The following FBXL2 variants were observed in gnomAD, a reference collection of about 807,000 sequenced individuals.
The protein encoded by FBXL2 is F-box/LRR-repeat protein 2.
FBXL2 carries 38 observed loss-of-function variants against 69.2 expected under a neutral mutation model. That is an observed-to-expected ratio of 0.55 (90% CI 0.42 to 0.72). FBXL2 has a LOEUF of 0.72. FBXL2 is among the 30% of genes least tolerant of loss of function. The probability of loss-of-function intolerance (pLI) is 0.00; values close to 1 mark genes in which losing one functional copy is unlikely to be tolerated. For missense variants in FBXL2, 354 were observed against 520.3 expected (o/e 0.68, Z 3.11); for synonymous variants, 192 against 201.3 (o/e 0.95, Z 0.39).
intron 12 of FBXL2, chr3:33,393,312 C>A: frequency 1.2e-6 from 2 of 1,600,752 alleles, no homozygotes; most frequent in South Asian, 1.1e-5. Context: ...TTTGATTTAC[C>A]TGATCACTAA....
chr3:33,335,119 TAAG>T (rs967768016), intron 2 of FBXL2, among the ~76,000 whole-genome samples: 9 of 149,106 alleles, frequency 6.0e-5, no homozygotes, highest in South Asian at 2.2e-4. Flanking sequence ...ATAATAATAA[TAAG>T]AAGAAGAATA....
chr3:33,414,795 C>A, the FBXL2 span, among the ~76,000 whole-genome samples: 28 of 152,132 alleles, frequency 1.8e-4, no homozygotes, highest in African/African-American at 6.7e-4. Flanking sequence ...GAAGATGAAG[C>A]CAATGTAAAA....
intron 2 of FBXL2, among the ~76,000 whole-genome samples, chr3:33,324,000 T>G (rs945972793): frequency 6.6e-6 from 1 of 152,246 alleles, no homozygotes; most frequent in African/African-American, 2.4e-5. Flanking sequence ...ATCGCCATTC[T>G]AACTGGCGTG....
chr3:33,421,407 G>A, the FBXL2 span, among the ~76,000 whole-genome samples: 1 of 152,264 alleles, frequency 6.6e-6, no homozygotes, highest in East Asian at 1.9e-4. Flanking sequence ...CGAGTAGCTG[G>A]GACTACAGGC....
At chr3:33,277,561 A>G in intron 1 of FBXL2, 46 bp downstream of exon 1, 1 of 1,261,912 alleles carries the variant, frequency 7.9e-7, no homozygotes, top group Non-Finnish European at 1.0e-6. Context: ...CCCTACCCCT[A>G]CCGGGCTGGG....
downstream of FBXL2, among the ~76,000 whole-genome samples, chr3:33,406,502 T>C (rs897443020): frequency 6.6e-6 from 1 of 152,214 alleles, no homozygotes; most frequent in Non-Finnish European, 1.5e-5. Context: ...ATATTAAAAG[T>C]ATCAAGTCTC....
chr3:33,373,339 T>C lies in FBXL2; in HGVS notation c.439T>C (p.Ser147Pro). The C allele has an allele frequency of 6.2e-7, 1 of 1,611,986 alleles. No individual in the cohort carries two copies. Among genetic ancestry groups the C allele is most frequent in the Non-Finnish European group, 8.5e-7 (1 of 1,178,050 alleles). ...LTSCVSITNS[S>P]LKGISEGCRN... ...CTCCTGTGTGTCTATTACAAACAGC[T>C]CCTTGAAGGGGATCAGGTAAGAGTG... Residue 147 changes from serine (S) to proline (P), a missense_variant, in exon 7 of 15, where the codon TCC becomes CCC. Physicochemically the swap from Ser to Pro is moderately conservative, Grantham distance 74. Transcript: ENST00000484457.
downstream of FBXL2, chr3:33,390,262 G>C: frequency 6.9e-7 from 1 of 1,455,536 alleles, no homozygotes; most frequent in Non-Finnish European, 9.5e-7. Flanking sequence ...AAGACTTCTT[G>C]GATTCAGTCT....
intron 1 of FBXL2, among the ~76,000 whole-genome samples, chr3:33,282,114 C>T (rs2034078915): frequency 6.6e-6 from 1 of 152,136 alleles, no homozygotes; most frequent in South Asian, 2.1e-4. Context: ...GTCACGAAGT[C>T]CTTGCCCATG....
Position 33,387,708 on chromosome 3 carries a change from G to A in FBXL2, c.*2100G>A, listed in dbSNP as rs1203488618. On this transcript the variant is annotated 3_prime_UTR_variant, in exon 15 of 15. Coordinates refer to ENST00000484457, the MANE Select transcript of FBXL2 (RefSeq NM_012157.5). ...AGGATACAACCTATCATCAGTCACA[G>A]CTATTGGACTTGATGCTCAATGATC... 1 of 152,178 alleles carries A rather than the reference G, an allele frequency of 6.6e-6. No homozygotes were observed. The highest frequency in any genetic ancestry group is 1.5e-5 in the Non-Finnish European group (1 of 68,048). 9.4% of individuals were successfully genotyped at this position (152,178 alleles called of 1,614,324 possible). A position where few individuals can be genotyped will look rare whatever the true frequency, so the allele number is the denominator to read the frequency against.
chr3:33,311,769 C>T lies in FBXL2; in HGVS notation c.65+14044C>T, dbSNP rs541267337. 1.3e-4 allele frequency among the ~76,000 whole-genome samples: 20 copies of T among 151,954 alleles called. 1 individual carries two copies. The highest frequency in any genetic ancestry group is 4.1e-4 in the African/African-American group (17 of 41,428). Reference sequence around the variant, plus strand: ...CCTCCTGAGTAGCTGGGACTACAGGCGCATGCCACCATGCCCGGCTAATTT... The same window carrying T: ...CCTCCTGAGTAGCTGGGACTACAGGTGCATGCCACCATGCCCGGCTAATTT... On this transcript the variant is annotated intron_variant, in intron 2 of 14. Transcript: ENST00000484457.
At chr3:33,340,030 A>G (rs566398390) in intron 2 of FBXL2, among the ~76,000 whole-genome samples, 3 of 152,342 alleles carry the variant, frequency 2.0e-5, no homozygotes. Context: ...CAAAGACTGC[A>G]TAGTGTTTGA....
intron 2 of FBXL2, chr3:33,303,103 C>T (rs1188036975): frequency 2.2e-6 from 1 of 456,604 alleles, no homozygotes; most frequent in Admixed American, 2.3e-5. Flanking sequence ...AGGACTGCTG[C>T]CTCTATTTCC....
In FBXL2 at chr3:33,289,612, G is replaced by C. The variant is rs13316527; in HGVS notation, c.4-8052G>C. ...GAAGAATTTGCAATAGATAGTTAAA[G>C]AGAAGTCAACAGTTACTGACTGCAC... is the stretch of plus-strand genomic sequence containing the variant. On this transcript the variant is annotated intron_variant, in intron 1 of 14. Coordinates refer to ENST00000484457, the MANE Select transcript of FBXL2 (RefSeq NM_012157.5). The C allele has an allele frequency of 7.8e-3, 1,610 of 205,408 alleles. 21 individuals carry two copies. Among genetic ancestry groups the C allele is most frequent in the African/African-American group, 0.036 (1,513 of 42,458 alleles). The allele number at this position is 205,408 out of a possible 1,614,324, so 12.7% of individuals were successfully genotyped here.
intron 2 of FBXL2, among the ~76,000 whole-genome samples, chr3:33,325,349 AGG>A (rs1448206126): frequency 1.3e-5 from 2 of 152,186 alleles, no homozygotes; most frequent in Non-Finnish European, 2.9e-5. Context: ...GTGGTGAGAA[AGG>A]GCATCCTTGT....
intron 2 of FBXL2, among the ~76,000 whole-genome samples, chr3:33,298,292 G>GT (rs1463387803): frequency 6.6e-6 from 1 of 152,116 alleles, no homozygotes; most frequent in Non-Finnish European, 1.5e-5. Flanking sequence ...TTTGGTTGTT[G>GT]TTTTTACTAA....
At chr3:33,357,986 C>G (rs1377237676) in intron 2 of FBXL2, among the ~76,000 whole-genome samples, 2 of 152,152 alleles carry the variant, frequency 1.3e-5, no homozygotes, top group Non-Finnish European at 2.9e-5. Context: ...GGGTACAACA[C>G]TTTCATGTTT....
At chr3:33,367,043 G>A (rs954728331) in intron 5 of FBXL2, among the ~76,000 whole-genome samples, 8 of 151,964 alleles carry the variant, frequency 5.3e-5, no homozygotes, top group South Asian at 4.2e-4. Flanking sequence ...TATTGAAGCC[G>A]TCTGCTCCTA....
chr3:33,288,678 G>T (rs2034907631), intron 1 of FBXL2, among the ~76,000 whole-genome samples: 1 of 152,206 alleles, frequency 6.6e-6, no homozygotes, highest in Admixed American at 6.5e-5. Flanking sequence ...AACCAGTGGG[G>T]CTGGAGTGTA....
Sources: gnomAD v4.1 joint callset for allele counts (sites outside exome capture counted in the v4.1 genomes callset) on GRCh38, gnomAD v4.1.1 for gene constraint, MANE v1.5 for transcripts, NCBI Gene and HGNC (gene_info 2026-07-23, HGNC 2026-07-21) for gene names.